The following KHDRBS2 variants were observed in gnomAD, a reference collection of about 807,000 sequenced individuals.
The protein encoded by KHDRBS2 is KH domain-containing, RNA-binding, signal transduction-associated protein 2.
Under a neutral mutation model 44.3 loss-of-function variants are expected in KHDRBS2, and 26 were observed. The ratio of observed to expected loss-of-function variants is 0.59; its 90% CI spans 0.43 to 0.81. The LOEUF (loss-of-function observed/expected upper bound fraction) is 0.81. Ranked by LOEUF, KHDRBS2 falls within the 40% of genes least tolerant of loss-of-function variation. The pLI is 0.00. For missense variants in KHDRBS2, 476 were observed against 433.1 expected (o/e 1.10, Z -0.88); for synonymous variants, 194 against 151.1 (o/e 1.28, Z -2.08).
At chr6:61,668,935 CAAAT>C in the KHDRBS2 span, among the ~76,000 whole-genome samples, 4 of 150,926 alleles carry the variant, frequency 2.7e-5, no homozygotes, top group African/African-American at 9.7e-5. Context: ...TGTTAGTAAA[CAAAT>C]AAGTAACCAT....
At chr6:62,270,092 G>T (rs1370125344) in intron 1 of KHDRBS2, among the ~76,000 whole-genome samples, 3 of 152,072 alleles carry the variant, frequency 2.0e-5, no homozygotes, top group Non-Finnish European at 4.4e-5. Flanking sequence ...TTGAATATTT[G>T]TCCCCTCCAA....
At chr6:61,792,696 G>A (rs1307493157) in intron 6 of KHDRBS2, among the ~76,000 whole-genome samples, 4 of 151,706 alleles carry the variant, frequency 2.6e-5, no homozygotes, top group Non-Finnish European at 5.9e-5. Context: ...AAACTTTCAA[G>A]CCCCTCTTCT....
intron 7 of KHDRBS2, among the ~76,000 whole-genome samples, chr6:61,700,469 A>T (rs1482099899): frequency 6.6e-6 from 1 of 150,800 alleles, no homozygotes; most frequent in African/African-American, 2.4e-5. Flanking sequence ...AAAATGATGT[A>T]TAATAATCAA....
the KHDRBS2 span, among the ~76,000 whole-genome samples, chr6:61,663,144 G>T: frequency 2.0e-5 from 3 of 148,928 alleles, no homozygotes; most frequent in African/African-American, 4.9e-5. Flanking sequence ...GCAAACTATC[G>T]CAAGGACAAA....
chr6:62,096,154 A>G (rs1304230840), intron 2 of KHDRBS2, among the ~76,000 whole-genome samples: 1 of 151,918 alleles, frequency 6.6e-6, no homozygotes, highest in East Asian at 1.9e-4. Context: ...ATCTATGTTC[A>G]TCATGAATAC....
At chr6:61,763,989 C>T (rs1779639075) in intron 6 of KHDRBS2, among the ~76,000 whole-genome samples, 1 of 152,034 alleles carries the variant, frequency 6.6e-6, no homozygotes, top group Non-Finnish European at 1.5e-5. Context: ...CCCCTACCCT[C>T]CCCTTGACAG....
the KHDRBS2 span, among the ~76,000 whole-genome samples, chr6:61,652,578 T>C: frequency 6.6e-6 from 1 of 152,112 alleles, no homozygotes; most frequent in African/African-American, 2.4e-5. Context: ...AACAAATTAT[T>C]AATGATGGGA....
At chr6:62,185,581 G>A (rs1465447012) in intron 1 of KHDRBS2, among the ~76,000 whole-genome samples, 1 of 151,912 alleles carries the variant, frequency 6.6e-6, no homozygotes, top group African/African-American at 2.4e-5. Flanking sequence ...ATCTTCACAA[G>A]TAATTATTTT....
At chr6:61,645,078 A>G in the KHDRBS2 span, among the ~76,000 whole-genome samples, 1 of 152,194 alleles carries the variant, frequency 6.6e-6, no homozygotes, top group Admixed American at 6.5e-5. Flanking sequence ...ATGCCCATCA[A>G]TGAAAAATTG....
Position 61,701,732 on chromosome 6 carries a change from G to A in KHDRBS2, c.894-4479C>T, listed in dbSNP as rs1191038741. Among the ~76,000 whole-genome samples the A allele has an allele frequency of 2.6e-5, 4 of 151,894 alleles. No individual in the cohort carries two copies. The East Asian group carries it at 7.8e-4, about 29-fold the overall frequency. ...ACAAAACATTTCACTGCTGTTTCTAGGTGCCTTTACCTCTTGGCAGGATTT... is the reference window on the plus strand; with the variant it reads ...ACAAAACATTTCACTGCTGTTTCTAAGTGCCTTTACCTCTTGGCAGGATTT... On this transcript the variant is annotated intron_variant, in intron 7 of 8. Transcript: ENST00000281156.
At chr6:61,659,562 T>C in the KHDRBS2 span, among the ~76,000 whole-genome samples, 1 of 151,958 alleles carries the variant, frequency 6.6e-6, no homozygotes, top group African/African-American at 2.4e-5. Flanking sequence ...CAAATCACAG[T>C]TATTTTTATT....
At chr6:61,820,547 T>A (rs1016194360) in intron 6 of KHDRBS2, among the ~76,000 whole-genome samples, 1 of 151,948 alleles carries the variant, frequency 6.6e-6, no homozygotes, top group Non-Finnish European at 1.5e-5. Context: ...CAAATTCAGA[T>A]CTTAGGGAGA....
chr6:62,068,686 A>T (rs1794310471), intron 2 of KHDRBS2, among the ~76,000 whole-genome samples: 1 of 151,606 alleles, frequency 6.6e-6, no homozygotes, highest in Admixed American at 6.6e-5. Flanking sequence ...GGTGTGAGGT[A>T]GTGCTCCAAC....
chr6:62,058,881 T>C (rs573893636), intron 2 of KHDRBS2, among the ~76,000 whole-genome samples: 1 of 151,758 alleles, frequency 6.6e-6, no homozygotes, highest in Admixed American at 6.6e-5. Context: ...TATCAATATA[T>C]TACCACAAAT....
At chr6:61,902,506 A>AACACACACAC (rs34224070) in intron 4 of KHDRBS2, among the ~76,000 whole-genome samples, 7 of 149,696 alleles carry the variant, frequency 4.7e-5, no homozygotes, top group African/African-American at 1.7e-4. Context: ...TTTACTAATC[A>AACACACACAC]ACACACACAC....
intron 2 of KHDRBS2, among the ~76,000 whole-genome samples, chr6:62,130,663 C>T (rs986745215): frequency 4.6e-5 from 7 of 151,852 alleles, no homozygotes; most frequent in Admixed American, 3.3e-4. Context: ...CCAATAAACC[C>T]ATTGTAAGTT....
chr6:62,106,780 G>C (rs890245955), intron 2 of KHDRBS2, among the ~76,000 whole-genome samples: 2 of 152,106 alleles, frequency 1.3e-5, no homozygotes, highest in Non-Finnish European at 2.9e-5. Context: ...ATGCAAGGCT[G>C]GTTCAGTATA....
At chr6:62,072,964 C>T (rs1244245955) in intron 2 of KHDRBS2, among the ~76,000 whole-genome samples, 1 of 152,052 alleles carries the variant, frequency 6.6e-6, no homozygotes, top group Non-Finnish European at 1.5e-5. Flanking sequence ...GTGAATCCAT[C>T]TGGTCCTGGA....
chr6:61,621,041 T>C, the KHDRBS2 span, among the ~76,000 whole-genome samples: 1 of 152,166 alleles, frequency 6.6e-6, no homozygotes, highest in African/African-American at 2.4e-5. Flanking sequence ...GGACTCAAAG[T>C]GACCCCATTA....
Sources: allele counts gnomAD v4.1 joint callset (sites outside exome capture counted in the v4.1 genomes callset), GRCh38; gene constraint gnomAD v4.1.1; transcripts MANE v1.5; gene names NCBI Gene and HGNC (gene_info 2026-07-23, HGNC 2026-07-21).